Variants in CAST observed in about 807,000 individuals in gnomAD.
CAST encodes the protein calpastatin, also known as MIR583 host.
A neutral mutation model predicts 119.6 loss-of-function variants in CAST; 76 were observed. The observed-to-expected ratio is 0.64, with a 90% CI of 0.53 to 0.77. The LOEUF (loss-of-function observed/expected upper bound fraction) is 0.77. Among genes scored for constraint, CAST ranks in the 30% least tolerant of loss-of-function variants. The pLI is 0.00. For missense variants in CAST, 953 were observed against 946.5 expected, an observed-to-expected ratio of 1.01 and a Z score of -0.09; for synonymous variants, 319 against 331.6, an observed-to-expected ratio of 0.96 and a Z score of 0.41.
chr5:96,628,733 A>G (rs1176849758), intron 1 of CAST, among the ~76,000 whole-genome samples: 1 of 152,218 alleles, frequency 6.6e-6, no homozygotes, highest in Non-Finnish European at 1.5e-5. Flanking sequence ...GCTTTTGCAA[A>G]GTTACCAAAT....
intron 1 of CAST, among the ~76,000 whole-genome samples, chr5:96,645,971 G>C (rs542281928): frequency 1.3e-5 from 2 of 151,714 alleles, no homozygotes; most frequent in Middle Eastern, 3.4e-3. Context: ...CATGGCAAAG[G>C]TCACAAATAT....
chr5:96,381,975 G>A, the CAST span, among the ~76,000 whole-genome samples: 4 of 152,152 alleles, frequency 2.6e-5, no homozygotes, highest in East Asian at 1.9e-4. Flanking sequence ...ATAATGTGGC[G>A]TTAAATAAAT....
At chr5:96,683,083 G>A (rs1190676767) in intron 2 of CAST, among the ~76,000 whole-genome samples, 1 of 152,108 alleles carries the variant, frequency 6.6e-6, no homozygotes, top group African/African-American at 2.4e-5. Flanking sequence ...GCACTAATGG[G>A]GAATAAAGAT....
the CAST span, among the ~76,000 whole-genome samples, chr5:96,464,103 T>G: frequency 1.3e-5 from 2 of 152,018 alleles, no homozygotes; most frequent in Non-Finnish European, 2.9e-5. Context: ...AGACTAGGTC[T>G]AAAGGTTTTG....
chr5:96,476,125 A>G, the CAST span, among the ~76,000 whole-genome samples: 2 of 152,232 alleles, frequency 1.3e-5, no homozygotes, highest in East Asian at 1.9e-4. Context: ...CTGAAAAGCT[A>G]TTGACCAGCA....
chr5:96,041,310 C>G, the CAST span, among the ~76,000 whole-genome samples: 2 of 151,982 alleles, frequency 1.3e-5, no homozygotes, highest in Non-Finnish European at 2.9e-5. Context: ...AACTCATAAC[C>G]CTAGTCTAAT....
chr5:96,037,721 T>C, the CAST span, among the ~76,000 whole-genome samples: 1 of 152,186 alleles, frequency 6.6e-6, no homozygotes, highest in Admixed American at 6.6e-5. Flanking sequence ...AATTCACTGC[T>C]GTTGCTCATG....
chr5:96,048,577 G>T, the CAST span, among the ~76,000 whole-genome samples: 1 of 152,140 alleles, frequency 6.6e-6, no homozygotes, highest in Non-Finnish European at 1.5e-5. Context: ...GGGGCTGTGG[G>T]TAGGAATTAC....
chr5:96,092,980 G>A, the CAST span, among the ~76,000 whole-genome samples: 96,528 of 151,960 alleles, frequency 0.64, 30,862 homozygotes, highest in South Asian at 0.68. Context: ...TTCACCCAAT[G>A]CCTTTTCTCC....
chr5:96,582,774 A>G (rs1179076078), intron 1 of CAST, among the ~76,000 whole-genome samples: 1 of 152,246 alleles, frequency 6.6e-6, no homozygotes, highest in Non-Finnish European at 1.5e-5. Context: ...CTAATTAAAA[A>G]CCAGAAAACA....
chr5:96,192,535 A>C, the CAST span, among the ~76,000 whole-genome samples: 4 of 152,246 alleles, frequency 2.6e-5, no homozygotes, highest in African/African-American at 9.6e-5. Flanking sequence ...ATTCAAAAGA[A>C]TGGAGAAAGG....
At chr5:96,469,879 A>AATATATAT in the CAST span, among the ~76,000 whole-genome samples, 35 of 107,416 alleles carry the variant, frequency 3.3e-4, no homozygotes, top group South Asian at 2.6e-3. Context: ...ATATATATAT[A>AATATATAT]ATATATATAT....
chr5:96,337,886 CAG>C, the CAST span, among the ~76,000 whole-genome samples: 1 of 152,200 alleles, frequency 6.6e-6, no homozygotes, highest in African/African-American at 2.4e-5. Context: ...ATGAACCTAA[CAG>C]AATACCTCTA....
intron 15 of CAST, chr5:96,742,437 G>T (rs909818961): frequency 1.9e-6 from 1 of 530,390 alleles, no homozygotes; most frequent in Admixed American, 3.3e-5. Flanking sequence ...AGAGAACGCT[G>T]TTACTGTAGA....
chr5:96,195,089 G>A, the CAST span, among the ~76,000 whole-genome samples: 7 of 152,340 alleles, frequency 4.6e-5, no homozygotes, highest in East Asian at 1.4e-3. Flanking sequence ...ATGCCAGAGG[G>A]CAGAACTAGA....
chr5:96,128,614 A>G, the CAST span, among the ~76,000 whole-genome samples: 1 of 152,108 alleles, frequency 6.6e-6, no homozygotes, highest in East Asian at 1.9e-4. Context: ...CGCATGAGAG[A>G]AGCAAGCACT....
chr5:96,745,871 T>A (rs961692750), intron 16 of CAST, among the ~76,000 whole-genome samples: 2 of 152,202 alleles, frequency 1.3e-5, no homozygotes, highest in African/African-American at 4.8e-5. Context: ...TCGTGTTTCC[T>A]CTCCCTTCCT....
the CAST span, among the ~76,000 whole-genome samples, chr5:96,236,324 T>C: frequency 6.6e-6 from 1 of 152,222 alleles, no homozygotes; most frequent in African/African-American, 2.4e-5. Context: ...CTGGATTCTC[T>C]GTCTTTGGCC....
At chr5:96,628,867 G>A (rs989685853) in intron 1 of CAST, among the ~76,000 whole-genome samples, 5 of 108,904 alleles carry the variant, frequency 4.6e-5, no homozygotes, top group East Asian at 2.5e-4. Context: ...CATGAGGGGC[G>A]GGGGGTCATA....
Sources: allele counts gnomAD v4.1 joint callset (sites outside exome capture counted in the v4.1 genomes callset), GRCh38; gene constraint gnomAD v4.1.1; transcripts MANE v1.5; gene names NCBI Gene and HGNC (gene_info 2026-07-23, HGNC 2026-07-21).